Variants in ANK3 observed in about 807,000 individuals in gnomAD.
The protein encoded by ANK3 is ankyrin 3.
ANK3 carries 57 observed loss-of-function variants against 370.9 expected under a neutral mutation model. That is an observed-to-expected ratio of 0.15 (90% CI 0.12 to 0.19). The LOEUF is 0.19. Among genes scored for constraint, ANK3 ranks in the 10% least tolerant of loss-of-function variants. The pLI, the probability that ANK3 is intolerant of heterozygous loss-of-function variation, is 1.00. For missense variants in ANK3, 4,439 were observed against 5,302.1 expected, an observed-to-expected ratio of 0.84 and a Z score of 5.06; for synonymous variants, 1,929 against 1,946.3, an observed-to-expected ratio of 0.99 and a Z score of 0.23.
At chr10:60,234,400 G>C (rs1294471687) in intron 8 of ANK3, among the ~76,000 whole-genome samples, 1 of 152,132 alleles carries the variant, frequency 6.6e-6, no homozygotes, top group Non-Finnish European at 1.5e-5. Context: ...TGCAGTTTTA[G>C]TATCAAACTG....
chr10:60,087,847 A>C (rs1229722971), intron 29 of ANK3, among the ~76,000 whole-genome samples: 1 of 152,204 alleles, frequency 6.6e-6, no homozygotes. Flanking sequence ...GCATATCATA[A>C]ACCATGGCTT....
intron 1 of ANK3, among the ~76,000 whole-genome samples, chr10:60,652,279 G>A (rs990894402): frequency 1.3e-5 from 2 of 152,024 alleles, no homozygotes; most frequent in Non-Finnish European, 2.9e-5. Context: ...GCGCACACCT[G>A]TAGCCCTAGC....
intron 2 of ANK3, among the ~76,000 whole-genome samples, chr10:60,409,407 T>A (rs543932175): frequency 1.5e-4 from 23 of 152,230 alleles, no homozygotes; most frequent in Non-Finnish European, 2.9e-4. Flanking sequence ...AATATCAGTC[T>A]ATGTGGGTAT....
intron 42 of ANK3, among the ~76,000 whole-genome samples, 200 bp downstream of exon 42, chr10:60,055,458 T>C (rs1449189599): frequency 4.0e-5 from 6 of 151,868 alleles, no homozygotes; most frequent in Non-Finnish European, 7.3e-5. Flanking sequence ...ATGGCATACA[T>C]TTTACTTGGA....
chr10:60,436,214 C>CA lies in ANK3; in HGVS notation c.97-156576dup, dbSNP rs1225876760. ...GGATATATTATGTTTCTCCGTTCAT[C>CA]AGTTGATGAGTGTTTAGACTGTTTC... is the stretch of plus-strand genomic sequence containing the variant. On this transcript the variant is annotated intron_variant, in intron 2 of 43. Transcript: ENST00000373827. Among the ~76,000 whole-genome samples the CA allele has an allele frequency of 2.0e-5, 3 of 152,304 alleles. No individual in the cohort carries two copies. The East Asian group carries it at 5.8e-4, about 29-fold the overall frequency.
At chr10:60,078,985 T>A (rs2084462985) in intron 36 of ANK3, among the ~76,000 whole-genome samples, 1 of 152,110 alleles carries the variant, frequency 6.6e-6, no homozygotes, top group Admixed American at 6.6e-5. Flanking sequence ...CAGAATCAGA[T>A]GGAAACTCAC....
intron 2 of ANK3, among the ~76,000 whole-genome samples, chr10:60,409,513 A>T (rs558617113): frequency 6.6e-6 from 1 of 152,306 alleles, no homozygotes; most frequent in African/African-American, 2.4e-5. Context: ...TTAGTTTTTT[A>T]AAAAAAGAAA....
At chr10:60,429,494 A>C (rs375786723) in intron 2 of ANK3, among the ~76,000 whole-genome samples, 3 of 152,336 alleles carry the variant, frequency 2.0e-5, no homozygotes, top group African/African-American at 7.2e-5. Flanking sequence ...AAAGATTAAG[A>C]GTTTATTTTT....
intron 2 of ANK3, among the ~76,000 whole-genome samples, chr10:60,548,205 C>CT (rs2077011650): frequency 7.9e-6 from 1 of 125,820 alleles, no homozygotes; most frequent in Non-Finnish European, 1.6e-5. Context: ...TTAAATATTT[C>CT]CTTTTTTTTT....
intron 1 of ANK3, among the ~76,000 whole-genome samples, chr10:60,316,834 G>A (rs955102880): frequency 2.0e-5 from 3 of 151,178 alleles, no homozygotes; most frequent in East Asian, 2.0e-4. Flanking sequence ...TGCAAGCTCC[G>A]CCTCCCAGGT....
intron 4 of ANK3, 67 bp downstream of exon 4, chr10:60,278,707 A>T: frequency 1.6e-6 from 2 of 1,255,522 alleles, no homozygotes; most frequent in South Asian, 2.4e-5. Flanking sequence ...CTAAGCAAGC[A>T]CCTGACCCAA....
intron 1 of ANK3, among the ~76,000 whole-genome samples, chr10:60,376,309 G>A (rs1231107540): frequency 1.3e-5 from 2 of 152,172 alleles, no homozygotes; most frequent in Admixed American, 1.3e-4. Context: ...AGCTGAAATG[G>A]AGGTCTAGGA....
At chr10:60,047,313 C>G (rs1589220654) in intron 42 of ANK3, among the ~76,000 whole-genome samples, 1 of 152,246 alleles carries the variant, frequency 6.6e-6, no homozygotes, top group East Asian at 1.9e-4. Context: ...CCTCTGGACT[C>G]CTGCTAGAAG....
At chr10:60,439,377 G>A (rs1039499362) in intron 2 of ANK3, among the ~76,000 whole-genome samples, 2 of 152,142 alleles carry the variant, frequency 1.3e-5, no homozygotes. Flanking sequence ...CACATAATAG[G>A]CTGGGTACAG....
At chr10:60,274,569 T>A (rs1291097613) in intron 4 of ANK3, among the ~76,000 whole-genome samples, 1 of 152,102 alleles carries the variant, frequency 6.6e-6, no homozygotes, top group East Asian at 1.9e-4. Context: ...CTATCTTCTG[T>A]TTTCTCTTTT....
chr10:60,041,582 C>T (rs756629343), intron 43 of ANK3, among the ~76,000 whole-genome samples: 8 of 152,132 alleles, frequency 5.3e-5, no homozygotes, highest in African/African-American at 9.7e-5. Context: ...CTGAAGAGCA[C>T]GCATGAAACA....
rs1286775813 is a variant in ANK3, at chr10:60,600,259, T to A, written c.96+14927A>T. Among the ~76,000 whole-genome samples, 14 of 152,192 alleles carry A rather than the reference T, an allele frequency of 9.2e-5. 1 individual carries two copies. ...TTTTCAGTTGAATTTAATCAACATT[T>A]GTTTAAAATCTACTTGTGTCTGACC... On this transcript the variant is annotated intron_variant, in intron 2 of 43. Coordinates refer to the ANK3 transcript ENST00000373827.
At chr10:60,572,487 T>C in intron 2 of ANK3, 1 of 1,536,024 alleles carries the variant, frequency 6.5e-7, no homozygotes, top group African/African-American at 1.4e-5. Context: ...CCTTTTCCTA[T>C]GAGCAGGTTT....
chr10:60,357,817 TCTCTGACTGCCA>T (rs1441242296), intron 1 of ANK3, among the ~76,000 whole-genome samples: 2 of 152,154 alleles, frequency 1.3e-5, no homozygotes, highest in African/African-American at 4.8e-5. Context: ...TACTACTTCA[TCTCTGACTGCCA>T]CTCTGCCAAC....
Sources: gnomAD v4.1 joint callset for allele counts (sites outside exome capture counted in the v4.1 genomes callset) on GRCh38, gnomAD v4.1.1 for gene constraint, MANE v1.5 for transcripts, NCBI Gene and HGNC (gene_info 2026-07-23, HGNC 2026-07-21) for gene names.